The following DNAH6 variants were observed in gnomAD, a reference collection of about 807,000 sequenced individuals.
The protein encoded by DNAH6 is dynein axonemal heavy chain 6.
DNAH6 carries 340 observed loss-of-function variants against 491.4 expected under a neutral mutation model. The observed-to-expected ratio is 0.69, with a 90% CI of 0.63 to 0.76. The LOEUF (loss-of-function observed/expected upper bound fraction) is 0.76, where lower values mean the gene tolerates loss of function less well. Ranked by LOEUF, DNAH6 falls within the 30% of genes least tolerant of loss-of-function variation. The pLI is 0.00. For synonymous variants in DNAH6, 1,603 were observed against 1,686.1 expected (o/e 0.95, Z 1.21); for missense variants, 4,443 against 4,972.2 (o/e 0.89, Z 3.20).
At chr2:84,558,422 TAAA>T (rs78113898) in intron 11 of DNAH6, among the ~76,000 whole-genome samples, 3 of 108,944 alleles carry the variant, frequency 2.8e-5, no homozygotes, top group East Asian at 2.5e-4. Flanking sequence ...AGACTCCATC[TAAA>T]AAAAAAAAAA....
chr2:84,751,992 A>G (rs1465429639), intron 63 of DNAH6, among the ~76,000 whole-genome samples: 3 of 152,234 alleles, frequency 2.0e-5, no homozygotes, highest in Non-Finnish European at 2.9e-5. Flanking sequence ...GAGGTCATAC[A>G]TCGTTCCCTG....
Position 84,520,107 on chromosome 2 carries a change from G to A in DNAH6, c.225+2056G>A, listed in dbSNP as rs1573483026. On this transcript the variant is annotated intron_variant, in intron 2 of 76. Coordinates refer to ENST00000389394, the MANE Select transcript of DNAH6 (RefSeq NM_001370.2). Reference sequence around the variant, plus strand: ...AATTGTATTATCCTTTTGTATTGGTGCTTATATTCCTATGAGACAGGGCCC... The same window carrying A: ...AATTGTATTATCCTTTTGTATTGGTACTTATATTCCTATGAGACAGGGCCC... Among the ~76,000 whole-genome samples the A allele has an allele frequency of 2.0e-5, 3 of 152,058 alleles. No individual in the cohort carries two copies. In the East Asian group the frequency reaches 5.8e-4, roughly 29 times the overall value.
chr2:84,750,712 T>A (rs1178556191), intron 63 of DNAH6: 1 of 152,126 alleles, frequency 6.6e-6, no homozygotes, highest in African/African-American at 2.4e-5. Context: ...AAATTTTCCA[T>A]AGTAAAAAAA....
At chr2:84,620,831 C>A (rs541372387) in intron 24 of DNAH6, among the ~76,000 whole-genome samples, 315 of 152,238 alleles carry the variant, frequency 2.1e-3, no homozygotes, top group Non-Finnish European at 3.7e-3. Flanking sequence ...AAAATAGATA[C>A]AAGAACTGAA....
At chr2:84,518,123 A>G in intron 2 of DNAH6, 72 bp downstream of exon 2, 1 of 1,124,966 alleles carries the variant, frequency 8.9e-7, no homozygotes, top group Admixed American at 2.8e-5. Flanking sequence ...GGAGGATAGA[A>G]GTCATGTCCA....
intron 63 of DNAH6, among the ~76,000 whole-genome samples, chr2:84,753,528 C>T (rs1458228267): frequency 1.3e-5 from 2 of 151,914 alleles, no homozygotes; most frequent in African/African-American, 4.8e-5. Flanking sequence ...GAGGCCAAGG[C>T]AGGCAGATCA....
chr2:84,733,354 T>C, intron 61 of DNAH6, 90 bp from the exon 62 acceptor site: 2 of 1,131,312 alleles, frequency 1.8e-6, no homozygotes, highest in Non-Finnish European at 2.6e-6. Flanking sequence ...TTTAACATAC[T>C]ATTAGAGCTT....
chr2:84,811,658 C>T (rs1157824187), intron 72 of DNAH6, among the ~76,000 whole-genome samples: 1 of 152,040 alleles, frequency 6.6e-6, no homozygotes, highest in Non-Finnish European at 1.5e-5. Flanking sequence ...GTCAGGAGTT[C>T]GAGACCAGCC....
chr2:84,554,363 A>G (rs1679815094), intron 10 of DNAH6, among the ~76,000 whole-genome samples: 1 of 152,210 alleles, frequency 6.6e-6, no homozygotes, highest in South Asian at 2.1e-4. Context: ...AGGGGATTGA[A>G]CAGCATATGT....
At chr2:84,581,195 G>A (rs1414345890) in intron 14 of DNAH6, among the ~76,000 whole-genome samples, 2 of 152,212 alleles carry the variant, frequency 1.3e-5, no homozygotes, top group Admixed American at 1.3e-4. Flanking sequence ...CAGAGGGTCA[G>A]CTGCTATCAC....
intron 24 of DNAH6, among the ~76,000 whole-genome samples, chr2:84,620,783 C>T (rs1030650450): frequency 6.6e-6 from 1 of 151,874 alleles, no homozygotes; most frequent in South Asian, 2.1e-4. Flanking sequence ...TGAAGGAAGC[C>T]AAAACAGCCA....
intron 4 of DNAH6, among the ~76,000 whole-genome samples, chr2:84,529,525 C>T (rs1230058463): frequency 6.9e-6 from 1 of 145,418 alleles, no homozygotes; most frequent in African/African-American, 2.6e-5. Context: ...CATGTTATTT[C>T]ACCTTTGCTT....
intron 33 of DNAH6, among the ~76,000 whole-genome samples, chr2:84,646,726 G>A (rs1170173691): frequency 6.6e-6 from 1 of 152,210 alleles, no homozygotes; most frequent in Non-Finnish European, 1.5e-5. Context: ...GGAGGAGAGA[G>A]TGGTGAGGAA....
At chr2:84,743,782 A>C (rs983069494) in intron 62 of DNAH6, among the ~76,000 whole-genome samples, 30 of 152,336 alleles carry the variant, frequency 2.0e-4, no homozygotes, top group Admixed American at 1.8e-3. Context: ...AGAACACGCC[A>C]CTGCACTCTT....
intron 41 of DNAH6, among the ~76,000 whole-genome samples, chr2:84,679,291 G>T (rs1243462805): frequency 2.0e-5 from 3 of 152,026 alleles, no homozygotes; most frequent in Non-Finnish European, 4.4e-5. Context: ...TGCAGGGAGC[G>T]CACCACTAAT....
chr2:84,609,270 CT>C (rs1686081190), intron 21 of DNAH6, among the ~76,000 whole-genome samples: 1 of 152,090 alleles, frequency 6.6e-6, no homozygotes, highest in African/African-American at 2.4e-5. Flanking sequence ...AGAACTTTTC[CT>C]TTGCATTCAC....
intron 33 of DNAH6, among the ~76,000 whole-genome samples, chr2:84,642,393 T>G (rs1573332263): frequency 6.6e-6 from 1 of 152,170 alleles, no homozygotes; most frequent in East Asian, 1.9e-4. Context: ...TCCATTTTGT[T>G]GTTTGTTGTT....
At chr2:84,810,960 T>C (rs1243569900) in intron 72 of DNAH6, among the ~76,000 whole-genome samples, 2 of 152,230 alleles carry the variant, frequency 1.3e-5, no homozygotes, top group African/African-American at 4.8e-5. Flanking sequence ...TATCATTTTT[T>C]GTGTTCTCTC....
At chr2:84,763,819 T>C (rs1173200034) in intron 64 of DNAH6, among the ~76,000 whole-genome samples, 1 of 151,426 alleles carries the variant, frequency 6.6e-6, no homozygotes, top group Non-Finnish European at 1.5e-5. Flanking sequence ...ACAGCTGATG[T>C]GTAGTTCCAG....
Sources: allele counts gnomAD v4.1 joint callset (sites outside exome capture counted in the v4.1 genomes callset), GRCh38; gene constraint gnomAD v4.1.1; transcripts MANE v1.5; gene names NCBI Gene and HGNC (gene_info 2026-07-23, HGNC 2026-07-21).